BTD: variants seen among roughly 807,000 people sequenced by gnomAD.
BTD encodes biotinidase.
Under a neutral mutation model 17.7 loss-of-function variants are expected in BTD, and 13 were observed. The observed-to-expected ratio is 0.74, with a 90% confidence interval of 0.48 to 1.17. BTD has a LOEUF of 1.17. Among genes scored for constraint, BTD ranks in the 50% most tolerant of loss-of-function variants. BTD has a pLI of 0.00. For synonymous variants in BTD, 240 were observed against 245.2 expected (o/e 0.98, Z 0.20); for missense variants, 674 against 650.4 (o/e 1.04, Z -0.39).
At chr3:15,692,242 G>A (rs1272417769) in intron 3 of BTD, among the ~76,000 whole-genome samples, 1 of 151,952 alleles carries the variant, frequency 6.6e-6, no homozygotes, top group East Asian at 1.9e-4. Flanking sequence ...CTTGAGGCCA[G>A]GAGTTTGAGA....
Position 15,611,855 on chromosome 3 carries a change from G to T in BTD, c.-17+9961G>T, listed in dbSNP as rs540549466. Among the ~76,000 whole-genome samples, 3 of 151,300 alleles carry T rather than the reference G, an allele frequency of 2.0e-5. No individual in the cohort carries two copies. The East Asian group carries it at 5.8e-4, about 29-fold the overall frequency. Reference sequence around the variant, plus strand: ...CTAAATTTTCTAGCTTATCAATATAGGATTGAATGAGGTGATTATTCTTTT... The same window carrying T: ...CTAAATTTTCTAGCTTATCAATATATGATTGAATGAGGTGATTATTCTTTT... On this transcript the variant is annotated intron_variant, in intron 1 of 3. Coordinates refer to ENST00000643237, the MANE Select transcript of BTD (RefSeq NM_001370658.1).
intron 3 of BTD, among the ~76,000 whole-genome samples, chr3:15,695,007 T>C (rs1481610538): frequency 1.3e-5 from 2 of 152,122 alleles, no homozygotes; most frequent in Non-Finnish European, 2.9e-5. Context: ...TTGGGGGAAA[T>C]GCTACTTAAT....
intron 4 of BTD, chr3:15,721,155 TTAAAG>T (rs771222569): frequency 6.3e-7 from 1 of 1,579,506 alleles, no homozygotes; most frequent in Non-Finnish European, 8.6e-7. Context: ...AATGCGAATG[TTAAAG>T]TAGTTTTGCT....
intron 3 of BTD, among the ~76,000 whole-genome samples, chr3:15,683,133 T>A (rs1390867693): frequency 6.6e-6 from 1 of 152,194 alleles, no homozygotes; most frequent in African/African-American, 2.4e-5. Flanking sequence ...AACTAAATGC[T>A]CTTCCTGAGG....
chr3:15,689,964 G>T, intron 3 of BTD: 5 of 1,399,684 alleles, frequency 3.6e-6, no homozygotes, highest in South Asian at 1.5e-5. Context: ...ATCAGAAATT[G>T]AAAAAAAGTA....
chr3:15,627,230 C>T (rs28576968), intron 1 of BTD, among the ~76,000 whole-genome samples: 6,567 of 152,158 alleles, frequency 0.043, 405 homozygotes, highest in African/African-American at 0.14. Flanking sequence ...TCAGAAGCTA[C>T]GGCACCAGGA....
rs189646361 is a variant in BTD at position 15,638,771 on chromosome 3, G to A, written c.249+3083G>A. ...ACCTACATGGTACGGCCTACTATGC[G>A]CCTAGGCTATATGGTATGGCCCATT... On this transcript the variant is annotated intron_variant, in intron 2 of 3. Transcript: ENST00000643237. Among the ~76,000 whole-genome samples, 170 of 152,302 alleles carry A rather than the reference G, an allele frequency of 1.1e-3. No individual in the cohort carries two copies. The Middle Eastern group carries it at 0.017, about 15-fold the overall frequency.
intron 1 of BTD, among the ~76,000 whole-genome samples, chr3:15,613,442 G>C (rs1489512208): frequency 6.6e-6 from 1 of 151,770 alleles, no homozygotes; most frequent in African/African-American, 2.4e-5. Context: ...TCTTTCCTGA[G>C]CCCTGCCAGA....
intron 3 of BTD, among the ~76,000 whole-genome samples, chr3:15,700,027 C>A (rs530301756): frequency 1.1e-4 from 17 of 152,180 alleles, no homozygotes; most frequent in Non-Finnish European, 2.2e-4. Flanking sequence ...AAATGTGGCA[C>A]ATATACACCA....
intron 1 of BTD, among the ~76,000 whole-genome samples, chr3:15,622,341 A>G (rs778242827): frequency 6.6e-6 from 1 of 152,058 alleles, no homozygotes; most frequent in African/African-American, 2.4e-5. Context: ...TTTTATTTCC[A>G]AGTATTTTGG....
At chr3:15,661,519 G>A (rs939234758) in intron 3 of BTD, among the ~76,000 whole-genome samples, 2 of 152,108 alleles carry the variant, frequency 1.3e-5, no homozygotes, top group Non-Finnish European at 2.9e-5. Flanking sequence ...TTATTTGTGA[G>A]TTTTAAGGGT....
chr3:15,666,477 A>T (rs1421703810), intron 3 of BTD, among the ~76,000 whole-genome samples: 1 of 152,210 alleles, frequency 6.6e-6, no homozygotes, highest in Non-Finnish European at 1.5e-5. Flanking sequence ...GGGTTAAGAG[A>T]TAATTTATTT....
chr3:15,695,317 C>T, intron 3 of BTD: 1 of 800,800 alleles, frequency 1.2e-6, no homozygotes, highest in South Asian at 1.7e-5. Flanking sequence ...TAAACCCGTG[C>T]TTCCTTTGGC....
At chr3:15,624,245 A>C (rs1320572920) in intron 1 of BTD, among the ~76,000 whole-genome samples, 1 of 151,638 alleles carries the variant, frequency 6.6e-6, no homozygotes, top group African/African-American at 2.4e-5. Context: ...GTGTTCTCTG[A>C]GCTTCCTGGG....
At chr3:15,658,311 C>T (rs543863427), downstream of BTD, among the ~76,000 whole-genome samples, 15 of 152,324 alleles carry the variant, frequency 9.8e-5, no homozygotes, top group South Asian at 8.3e-4. Flanking sequence ...CCCTGTTCTG[C>T]GTGGAACATG....
intron 3 of BTD, among the ~76,000 whole-genome samples, chr3:15,698,887 C>G (rs758127204): frequency 6.6e-6 from 1 of 152,166 alleles, no homozygotes; most frequent in Non-Finnish European, 1.5e-5. Context: ...TTGGAAAAAA[C>G]TACTTTAAAG....
chr3:15,606,724 A>G (rs927463182), intron 1 of BTD: 2 of 152,226 alleles, frequency 1.3e-5, no homozygotes, highest in African/African-American at 2.4e-5. Flanking sequence ...GCAGTGTTCA[A>G]TTGTTAACTT....
At chr3:15,717,119 A>G (rs2073166251), downstream of BTD, among the ~76,000 whole-genome samples, 2 of 152,198 alleles carry the variant, frequency 1.3e-5, no homozygotes, top group African/African-American at 2.4e-5. Flanking sequence ...CATAGCTAAT[A>G]AGTGATGAGT....
At chr3:15,686,571 T>C (rs1248505428) in intron 3 of BTD, 2 of 460,384 alleles carry the variant, frequency 4.3e-6, no homozygotes, top group African/African-American at 2.0e-5. Flanking sequence ...TCTAAAAGAA[T>C]GCTCATTTTA....
Sources: allele counts gnomAD v4.1 joint callset (sites outside exome capture counted in the v4.1 genomes callset), GRCh38; gene constraint gnomAD v4.1.1; transcripts MANE v1.5; gene names NCBI Gene and HGNC (gene_info 2026-07-23, HGNC 2026-07-21).